Variants in BDP1 observed in about 807,000 individuals in gnomAD.
BDP1 encodes the protein BDP1 general transcription factor IIIB subunit.
Under a neutral mutation model 266.6 loss-of-function variants are expected in BDP1, and 169 were observed. The ratio of observed to expected loss-of-function variants is 0.63; its 90% CI spans 0.56 to 0.72. The LOEUF (loss-of-function observed/expected upper bound fraction) is 0.72, where lower values mean the gene tolerates loss of function less well. Ranked by LOEUF, BDP1 falls within the 30% of genes least tolerant of loss-of-function variation. The pLI, the probability that BDP1 is intolerant of heterozygous loss-of-function variation, is 0.00. For missense variants in BDP1, 3,015 were observed against 3,053.8 expected (o/e 0.99, Z 0.30); for synonymous variants, 1,090 against 1,022.4 (o/e 1.07, Z -1.26).
At chr5:71,548,447 A>G (rs1365488494) in intron 32 of BDP1, among the ~76,000 whole-genome samples, 5 of 152,190 alleles carry the variant, frequency 3.3e-5, no homozygotes, top group Non-Finnish European at 7.3e-5. Context: ...CTGTCACTTC[A>G]AAAATCATTT....
rs536586360 is a variant in BDP1, at chr5:71,546,659, T to C, written c.6744+1440T>C. Among the ~76,000 whole-genome samples, 3 of 132,894 alleles carry C rather than the reference T, an allele frequency of 2.3e-5. No homozygotes were observed. The South Asian group carries it at 7.3e-4, about 32-fold the overall frequency. The allele number at this position is 132,894 out of a possible 152,430, so 87.2% of individuals were successfully genotyped here. ...AAAAAAAAAAAACCAAAAAACTGAA[T>C]CATTTGAAAGTAGGTTGAGTCCATA... On this transcript the variant is annotated intron_variant, in intron 32 of 38. Transcript: ENST00000358731.
In BDP1 at chr5:71,486,530, G is replaced by T. The variant is rs1364848156; in HGVS notation, c.1116G>T (p.Gln372His). The T allele has an allele frequency of 6.5e-7, 1 of 1,544,212 alleles. No homozygotes were observed. The highest frequency in any genetic ancestry group is 2.4e-5 in the Admixed American group (1 of 41,906). Residue 372 changes from glutamine (Q) to histidine (H), a missense_variant, in exon 9 of 39, where the codon CAG becomes CAT. By Grantham distance (24) the Gln-to-His change is conservative (BLOSUM62 0). Coordinates refer to ENST00000358731, the MANE Select transcript of BDP1 (RefSeq NM_018429.3). ...FDFDFFAHLL[Q>H]KVLAEEEKRK... ...TCGATTTTTTTGCTCATTTGCTTCA[G>T]AAAGTTCTTGCTGAAGAAGAGAAAA...
chr5:71,461,087 C>T (rs961589323), intron 2 of BDP1, among the ~76,000 whole-genome samples: 1 of 152,188 alleles, frequency 6.6e-6, no homozygotes. Flanking sequence ...TCAAGTGATC[C>T]TCCCACCTCA....
At chr5:71,501,434 A>G (rs1306749999) in intron 13 of BDP1, 128 bp from the exon 14 acceptor site, 1 of 599,714 alleles carries the variant, frequency 1.7e-6, no homozygotes, top group East Asian at 3.0e-5. Flanking sequence ...TTGGCCTCCC[A>G]AAGTGCTAGG....
intron 32 of BDP1, among the ~76,000 whole-genome samples, chr5:71,547,242 T>C (rs534717671): frequency 1.3e-5 from 2 of 152,214 alleles, no homozygotes; most frequent in African/African-American, 4.8e-5. Context: ...TCCTTTAATC[T>C]AGAGTATTTT....
intron 25 of BDP1, 99 bp downstream of exon 25, chr5:71,524,422 G>A: frequency 1.6e-6 from 2 of 1,252,088 alleles, no homozygotes; most frequent in South Asian, 1.6e-5. Flanking sequence ...TGATTATTAG[G>A]ATTTGAAGAG....
rs747646150 is a variant in BDP1 at position 71,497,343 on chromosome 5, A to G, written c.1873A>G (p.Arg625Gly). The G allele has an allele frequency of 2.2e-5, 35 of 1,613,746 alleles. No homozygotes were observed. The highest frequency in any genetic ancestry group is 2.8e-5 in the Non-Finnish European group (33 of 1,179,912). The change falls in exon 13 of 39, where the codon AGG becomes GGG. Residue 625 changes from arginine (R) to glycine (G), a missense_variant. By Grantham distance (125) the Arg-to-Gly change is moderately radical (BLOSUM62 -2). Transcript: ENST00000358731. ...CCAAAGACCTAAACCCAATTTGTCA[A>G]GGGCTGGGAAGAAATCAGTTCTTTC... is the stretch of plus-strand genomic sequence containing the variant. Reference protein sequence around the residue: ...RFQRPKPNLSRAGKKSVLSQG... With the variant: ...RFQRPKPNLSGAGKKSVLSQG...
the BDP1 span, among the ~76,000 whole-genome samples, chr5:71,575,373 G>A: frequency 1.3e-5 from 2 of 152,198 alleles, no homozygotes; most frequent in Non-Finnish European, 1.5e-5. Flanking sequence ...ACCCATATGG[G>A]TGGATCAATG....
chr5:71,553,062 A>T, intron 34 of BDP1, 54 bp from the exon 35 acceptor site: 1 of 1,359,588 alleles, frequency 7.4e-7, no homozygotes, highest in Non-Finnish European at 1.0e-6. Flanking sequence ...TAAAAAAAAA[A>T]GTGTTAAATA....
At chr5:71,520,157 G>GGGGC (rs1554120695) in intron 22 of BDP1, among the ~76,000 whole-genome samples, 2 of 151,916 alleles carry the variant, frequency 1.3e-5, no homozygotes, top group African/African-American at 4.8e-5. Context: ...CAGATTATTT[G>GGGGC]TTTTTTTGCT....
intron 34 of BDP1, among the ~76,000 whole-genome samples, chr5:71,551,592 G>A (rs966890958): frequency 9.2e-5 from 14 of 152,160 alleles, no homozygotes; most frequent in African/African-American, 3.1e-4. Context: ...AAACCGCCAC[G>A]TCATCATGGC....
chr5:71,514,413 G>A (rs1351844920), intron 19 of BDP1, among the ~76,000 whole-genome samples: 4 of 152,042 alleles, frequency 2.6e-5, no homozygotes, highest in East Asian at 1.9e-4. Context: ...ATAATGTCAC[G>A]TCCCTTTCCC....
At chr5:71,530,492 C>T (rs1425754853) in intron 25 of BDP1, among the ~76,000 whole-genome samples, 1 of 152,228 alleles carries the variant, frequency 6.6e-6, no homozygotes, top group Non-Finnish European at 1.5e-5. Flanking sequence ...AATCTGCCAA[C>T]CTCAGCCTCC....
Position 71,556,756 on chromosome 5 carries a change from T to A in BDP1, c.7201-130T>A, listed in dbSNP as rs1580218864. ...TAGCAATATTTTTGCCATAAATGTT[T>A]AGTAGAATTCCTCTAAGAGCTTTTT... On this transcript the variant is annotated intron_variant, in intron 35 of 38. Transcript: ENST00000358731. 3.6e-5 allele frequency: 18 copies of A among 494,600 alleles called. No homozygotes were observed. In the East Asian group the frequency reaches 6.2e-4, roughly 17 times the overall value. 30.6% of individuals were successfully genotyped at this position (494,600 alleles called of 1,614,324 possible). A position where few individuals can be genotyped will look rare whatever the true frequency, so the allele number is the denominator to read the frequency against.
Position 71,466,300 on chromosome 5 carries a change from C to G in BDP1, c.785+79C>G. 8 of 1,492,124 alleles carry G rather than the reference C, an allele frequency of 5.4e-6. No individual in the cohort carries two copies. In the Admixed American group the frequency reaches 1.5e-4, roughly 28 times the overall value. The allele number at this position is 1,492,124 out of a possible 1,614,324, so 92.4% of individuals were successfully genotyped here. On this transcript the variant is annotated intron_variant, in intron 5 of 38. Transcript: ENST00000358731. ...TTGTCTAGTGAAAGAGGTCCTCTTT[C>G]TGTATTGGCCTTTGTCACTTAGACC...
Position 71,469,116 on chromosome 5 carries a change from A to G in BDP1, c.920-1279A>G, listed in dbSNP as rs569660085. Among the ~76,000 whole-genome samples, 11 of 152,180 alleles carry G rather than the reference A, an allele frequency of 7.2e-5. 1 individual carries two copies. Among genetic ancestry groups the G allele is most frequent in the African/African-American group, 2.6e-4 (11 of 41,530 alleles). On this transcript the variant is annotated intron_variant, in intron 6 of 38. Coordinates refer to ENST00000358731, the MANE Select transcript of BDP1 (RefSeq NM_018429.3). ...TCCCTTCTTTCACTTCCCTATTCCT[A>G]TTCTCCTGAAGTGTAACTTCTGTTA... is the stretch of plus-strand genomic sequence containing the variant.
At chr5:71,534,090 A>G (rs938709515) in intron 26 of BDP1, among the ~76,000 whole-genome samples, 3 of 152,150 alleles carry the variant, frequency 2.0e-5, no homozygotes, top group Non-Finnish European at 4.4e-5. Context: ...AAAGTTTTAA[A>G]TTTTGATGAA....
intron 6 of BDP1, among the ~76,000 whole-genome samples, chr5:71,468,209 G>T (rs1168389383): frequency 6.6e-6 from 1 of 151,968 alleles, no homozygotes; most frequent in African/African-American, 2.4e-5. Context: ...AGTAGAGATG[G>T]GGTTTTATCA....
At position 71,542,131 on chromosome 5, in the gene BDP1, A is replaced by G; in HGVS notation, c.6278A>G (p.Asn2093Ser). The change falls in exon 30 of 39, where the codon AAT becomes AGT. Residue 2093 changes from asparagine to serine, a missense_variant. By Grantham distance (46) the Asn-to-Ser change is conservative. Around this residue, in one of 3 missense-constraint regions of BDP1, gnomAD observed 629 missense variants for 632.5 expected, o/e 0.99. Coordinates refer to ENST00000358731, the MANE Select transcript of BDP1 (RefSeq NM_018429.3). ...TRNTISKVTS[N>S]LRIRSRLAKP... ...AATACAATTTCTAAAGTGACCAGTA[A>G]TTTGAGAATAAGAAGTAGGCTTGCT... is the stretch of plus-strand genomic sequence containing the variant. The G allele has an allele frequency of 6.2e-7, 1 of 1,607,334 alleles. No individual in the cohort carries two copies.
Sources: allele counts gnomAD v4.1 joint callset (sites outside exome capture counted in the v4.1 genomes callset), GRCh38; gene constraint gnomAD v4.1.1; regional missense constraint gnomAD v4.1.1; transcripts MANE v1.5; gene names NCBI Gene and HGNC (gene_info 2026-07-23, HGNC 2026-07-21).